ITGA1: variants seen among roughly 807,000 people sequenced by gnomAD.
The protein encoded by ITGA1 is integrin alpha-1.
In ITGA1, 85 loss-of-function variants were observed where a neutral mutation model predicts 145.9. The ratio of observed to expected loss-of-function variants is 0.58; its 90% CI spans 0.49 to 0.70. The LOEUF is 0.70. ITGA1 is among the 30% of genes least tolerant of loss of function. The pLI is 0.00. For missense variants in ITGA1, 1,351 were observed against 1,418.7 expected, an observed-to-expected ratio of 0.95 and a Z score of 0.77; for synonymous variants, 520 against 495.3, an observed-to-expected ratio of 1.05 and a Z score of -0.66.
chr5:52,895,616 G>C (rs550269162), intron 9 of ITGA1, among the ~76,000 whole-genome samples: 1 of 152,098 alleles, frequency 6.6e-6, no homozygotes, highest in East Asian at 1.9e-4. Context: ...CCTAAAACTG[G>C]CAAAAATGAA....
intron 6 of ITGA1, among the ~76,000 whole-genome samples, chr5:52,875,752 C>A (rs186871888): frequency 6.6e-6 from 1 of 152,304 alleles, no homozygotes; most frequent in African/African-American, 2.4e-5. Flanking sequence ...ATACCCATTT[C>A]TATTCATCAA....
chr5:52,854,494 T>TA (rs1256056160), intron 2 of ITGA1, among the ~76,000 whole-genome samples: 1 of 152,176 alleles, frequency 6.6e-6, no homozygotes, highest in African/African-American at 2.4e-5. Context: ...GGTCACTGTG[T>TA]AAGTTTCATT....
At chr5:52,801,347 T>A in intron 1 of ITGA1, 1 of 1,409,074 alleles carries the variant, frequency 7.1e-7, no homozygotes, top group Non-Finnish European at 9.8e-7. Flanking sequence ...TAAGCCTTTG[T>A]GAGCTGATTA....
intron 24 of ITGA1, among the ~76,000 whole-genome samples, chr5:52,939,306 C>T (rs58956516): frequency 0.021 from 3,162 of 152,038 alleles, 97 homozygotes; most frequent in East Asian, 0.15. Context: ...GTATTAATCA[C>T]GTAATAGTAA....
At chr5:52,921,392 C>T (rs1661713896) in intron 17 of ITGA1, among the ~76,000 whole-genome samples, 1 of 151,942 alleles carries the variant, frequency 6.6e-6, no homozygotes, top group African/African-American at 2.4e-5. Context: ...CCTTTTGTGC[C>T]ACATTTGTTC....
At chr5:52,879,088 T>C (rs542704256) in intron 6 of ITGA1, among the ~76,000 whole-genome samples, 1 of 152,194 alleles carries the variant, frequency 6.6e-6, no homozygotes, top group South Asian at 2.1e-4. Flanking sequence ...ATTGACCTGC[T>C]GACAAGGTCT....
chr5:52,886,924 G>A (rs576174167), intron 7 of ITGA1, among the ~76,000 whole-genome samples: 1 of 152,050 alleles, frequency 6.6e-6, no homozygotes, highest in African/African-American at 2.4e-5. Flanking sequence ...GACTACAGGC[G>A]CCCGCCACCG....
intron 16 of ITGA1, among the ~76,000 whole-genome samples, chr5:52,919,199 C>T (rs116378000): frequency 5.6e-4 from 86 of 152,278 alleles, no homozygotes; most frequent in African/African-American, 2.0e-3. Context: ...AATACCGATT[C>T]AGAGGTAGAG....
intron 1 of ITGA1, among the ~76,000 whole-genome samples, chr5:52,830,394 T>C (rs1258121292): frequency 6.6e-6 from 1 of 152,194 alleles, no homozygotes; most frequent in South Asian, 2.1e-4. Context: ...GAAGTTTTCA[T>C]AGGTAGGACT....
Position 52,865,799 on chromosome 5 carries a change from T to G in ITGA1, c.606T>G (p.Ile202Met), listed in dbSNP as rs1200595533. 1 of 1,600,654 alleles carries G rather than the reference T, an allele frequency of 6.2e-7. No individual in the cohort carries two copies. Among genetic ancestry groups the G allele is most frequent in the Admixed American group, 1.7e-5 (1 of 57,184 alleles). ...FLNDLLERMD[I>M]GPKQTQVGIV... is the part of the protein sequence containing the mutation. ...ATGACCTTCTTGAAAGAATGGATATTGGTCCTAAACAGACACAGGTATGTG... is the reference window on the plus strand; with the variant it reads ...ATGACCTTCTTGAAAGAATGGATATGGGTCCTAAACAGACACAGGTATGTG... Residue 202 changes from isoleucine (I) to methionine (M), a missense_variant, in exon 6 of 29, where the codon ATT (isoleucine) becomes ATG (methionine). Physicochemically the swap from Ile to Met is conservative, Grantham distance 10. Transcript: ENST00000282588.
chr5:52,898,119 T>C (rs903030192), intron 10 of ITGA1, 120 bp from the exon 11 acceptor site: 73 of 547,026 alleles, frequency 1.3e-4, no homozygotes, highest in Non-Finnish European at 1.9e-4. Flanking sequence ...ATGAGGATTA[T>C]ATAAGCTAAC....
chr5:52,911,265 G>C (rs1750519722), intron 14 of ITGA1, among the ~76,000 whole-genome samples: 1 of 133,540 alleles, frequency 7.5e-6, no homozygotes, highest in Middle Eastern at 0.011. Context: ...TGTATATATA[G>C]TATATGTAGT....
At chr5:52,833,191 C>CAAAA (rs111452221) in intron 1 of ITGA1, among the ~76,000 whole-genome samples, 3 of 139,766 alleles carry the variant, frequency 2.1e-5, no homozygotes, top group Non-Finnish European at 4.7e-5. Context: ...GACTCTGTCT[C>CAAAA]AAAAAAAAAA....
chr5:52,912,115 A>G (rs1376308993), intron 14 of ITGA1, among the ~76,000 whole-genome samples: 1 of 143,354 alleles, frequency 7.0e-6, no homozygotes, highest in Non-Finnish European at 1.5e-5. Context: ...TATCTAGTAT[A>G]TAGATACACT....
intron 1 of ITGA1, among the ~76,000 whole-genome samples, chr5:52,848,751 C>T (rs1257305874): frequency 1.1e-4 from 16 of 146,606 alleles, no homozygotes; most frequent in Non-Finnish European, 2.4e-4. Context: ...CAACAGGCTG[C>T]GGTGTGTGAT....
At chr5:52,940,634 ATCTG>A (rs1751042221) in intron 26 of ITGA1, among the ~76,000 whole-genome samples, 1 of 152,000 alleles carries the variant, frequency 6.6e-6, no homozygotes, top group Non-Finnish European at 1.5e-5. Context: ...ATAAAGCCAA[ATCTG>A]TCTGACAATA....
chr5:52,917,981 T>C (rs1750673048), intron 15 of ITGA1, among the ~76,000 whole-genome samples: 1 of 152,082 alleles, frequency 6.6e-6, no homozygotes, highest in Admixed American at 6.6e-5. Context: ...CAGGTAAAAA[T>C]GTGCAGTAAT....
At chr5:52,874,711 G>A (rs1359476647) in intron 6 of ITGA1, among the ~76,000 whole-genome samples, 2 of 152,056 alleles carry the variant, frequency 1.3e-5, no homozygotes, top group Admixed American at 1.3e-4. Context: ...TATTATGCTA[G>A]GTGTCAAGAG....
chr5:52,893,975 C>T, intron 9 of ITGA1, 135 bp downstream of exon 9: 1 of 612,576 alleles, frequency 1.6e-6, no homozygotes, highest in Non-Finnish European at 2.8e-6. Context: ...TAGCATGGAA[C>T]AATGCTCTTT....
Sources: allele counts gnomAD v4.1 joint callset (sites outside exome capture counted in the v4.1 genomes callset), GRCh38; gene constraint gnomAD v4.1.1; transcripts MANE v1.5; gene names NCBI Gene and HGNC (gene_info 2026-07-23, HGNC 2026-07-21).